The following SLC23A2 variants were observed in gnomAD, a reference collection of about 807,000 sequenced individuals.
SLC23A2 encodes the protein Na(+)/L-ascorbic acid transporter 2.
SLC23A2 carries 36 observed loss-of-function variants against 73.3 expected under a neutral mutation model. The observed-to-expected ratio is 0.49, with a 90% CI of 0.38 to 0.65. The LOEUF is 0.65. Among genes scored for constraint, SLC23A2 ranks in the 30% least tolerant of loss-of-function variants. The probability of loss-of-function intolerance (pLI) is 0.00; values close to 1 mark genes in which losing one functional copy is unlikely to be tolerated. For synonymous variants in SLC23A2, 343 were observed against 327.3 expected, an observed-to-expected ratio of 1.05 and a Z score of -0.52; for missense variants, 507 against 841.6, an observed-to-expected ratio of 0.60 and a Z score of 4.92.
intron 16 of SLC23A2, among the ~76,000 whole-genome samples, chr20:4,858,528 G>GTT (rs11482735): frequency 1.3e-5 from 2 of 151,872 alleles, no homozygotes; most frequent in East Asian, 1.9e-4. Flanking sequence ...CTTGATTGAG[G>GTT]TTTTTTATTT....
intron 3 of SLC23A2, among the ~76,000 whole-genome samples, chr20:4,920,429 C>T (rs774676577): frequency 3.7e-4 from 57 of 152,182 alleles, no homozygotes; most frequent in Non-Finnish European, 1.5e-4. Flanking sequence ...AGGCACATCC[C>T]CTCTGACTCA....
At chr20:5,002,919 C>A (rs1349638837), upstream of SLC23A2, among the ~76,000 whole-genome samples, 1 of 152,046 alleles carries the variant, frequency 6.6e-6, no homozygotes, top group African/African-American at 2.4e-5. Context: ...GTCACGGGCG[C>A]CCATCCTTAA....
chr20:4,856,760 G>T lies in SLC23A2; in HGVS notation c.*212C>A. The stretch of plus-strand genomic sequence containing the variant: ...TGGCCAGCAATGGACACTCTCAAAG[G>T]GCAAGGAGTTAAGGGCTTAAATAAG... On this transcript the variant is annotated 3_prime_UTR_variant, in exon 17 of 17. Transcript: ENST00000338244. This position sits in a 1 kb window ranked among gnomAD's most constrained non-coding sequence, Gnocchi z 4.6. 1.8e-6 allele frequency: 1 copy of T among 542,216 alleles called. No individual in the cohort carries two copies. Among genetic ancestry groups the T allele is most frequent in the African/African-American group, 1.9e-5 (1 of 52,710 alleles). The allele number at this position is 542,216 out of a possible 1,614,324, so 33.6% of individuals were successfully genotyped here.
intron 1 of SLC23A2, among the ~76,000 whole-genome samples, chr20:5,009,952 G>A (rs533408429): frequency 6.6e-6 from 1 of 151,990 alleles, no homozygotes; most frequent in South Asian, 2.1e-4. Context: ...AAAATTAGCC[G>A]GGCGTGGTTG....
At chr20:4,896,605 G>C (rs1359299214) in intron 6 of SLC23A2, among the ~76,000 whole-genome samples, 1 of 152,288 alleles carries the variant, frequency 6.6e-6, no homozygotes, top group East Asian at 1.9e-4. Context: ...AAGCAGGAAG[G>C]GACCCCCAGG....
intron 9 of SLC23A2, among the ~76,000 whole-genome samples, chr20:4,881,676 C>G (rs1399876353): frequency 3.3e-5 from 5 of 152,088 alleles, no homozygotes; most frequent in African/African-American, 9.7e-5. Flanking sequence ...ATTCGTTCCC[C>G]CTGCTTTTAC....
Position 4,932,494 on chromosome 20 carries a change from G to T in SLC23A2, c.69C>A (p.Tyr23Ter). The T allele has an allele frequency of 6.2e-7, 1 of 1,608,552 alleles. No homozygotes were observed. Among genetic ancestry groups the T allele is most frequent in the Non-Finnish European group, 8.5e-7 (1 of 1,174,920 alleles). ...MEAGSSTEGK[Y>*]EDEAKHPAFF... is the part of the protein sequence containing the mutation. ...AAGCTGGGTGCTTTGCCTCGTCTTC[G>T]TATTTGCCTTCTGTTGAACTTCCAG... Residue 23 changes from tyrosine (Y) to a stop codon, truncating the protein, a stop_gained, in exon 3 of 17, where the codon TAC becomes TAA. Transcript: ENST00000338244. LOFTEE classifies it high-confidence loss of function.
chr20:5,010,019 C>T (rs1040357823), intron 1 of SLC23A2, among the ~76,000 whole-genome samples: 1 of 147,818 alleles, frequency 6.8e-6, no homozygotes. Flanking sequence ...GGACTGAACC[C>T]GGGAGGCGGA....
intron 3 of SLC23A2, among the ~76,000 whole-genome samples, chr20:4,915,299 T>C (rs1460838272): frequency 6.6e-6 from 1 of 152,188 alleles, no homozygotes; most frequent in Admixed American, 6.5e-5. Context: ...GGATCTTTTA[T>C]GATCAGGATG....
intron 2 of SLC23A2, 29 bp from the exon 3 acceptor site, chr20:4,932,745 C>T: frequency 1.7e-6 from 1 of 572,608 alleles, no homozygotes. Flanking sequence ...GCCAAATCAC[C>T]CCAAAGCATG....
At chr20:4,940,710 A>G (rs981102096) in intron 2 of SLC23A2, among the ~76,000 whole-genome samples, 2 of 152,248 alleles carry the variant, frequency 1.3e-5, no homozygotes, top group African/African-American at 4.8e-5. Context: ...ACATCTTTCC[A>G]TAAAGTGAAA....
At chr20:4,972,068 T>C (rs778619602) in intron 1 of SLC23A2, among the ~76,000 whole-genome samples, 29 of 152,216 alleles carry the variant, frequency 1.9e-4, no homozygotes, top group Non-Finnish European at 4.1e-4. Flanking sequence ...CCTATGCATA[T>C]GTTCCACAAT....
At chr20:4,944,942 T>C (rs1465012831) in intron 2 of SLC23A2, among the ~76,000 whole-genome samples, 1 of 151,422 alleles carries the variant, frequency 6.6e-6, no homozygotes, top group Admixed American at 6.6e-5. Context: ...TGTTGGAACA[T>C]ATGCCCTCAA....
intron 1 of SLC23A2, among the ~76,000 whole-genome samples, chr20:4,986,055 T>A (rs552745637): frequency 6.6e-6 from 1 of 152,226 alleles, no homozygotes; most frequent in Non-Finnish European, 1.5e-5. Flanking sequence ...CATAGGATAG[T>A]ATGAATAATT....
At chr20:4,889,265 G>C (rs967804249) in intron 6 of SLC23A2, among the ~76,000 whole-genome samples, 2 of 152,134 alleles carry the variant, frequency 1.3e-5, no homozygotes, top group African/African-American at 4.8e-5. Context: ...CGGGCAGAGA[G>C]AGGGGAGGTG....
chr20:4,986,672 A>G (rs1212297939), intron 1 of SLC23A2, among the ~76,000 whole-genome samples: 1 of 140,546 alleles, frequency 7.1e-6, no homozygotes, highest in Non-Finnish European at 1.6e-5. Context: ...ACACACACAC[A>G]CACACACACA....
At chr20:4,966,808 T>TGATTG (rs771360017) in intron 2 of SLC23A2, among the ~76,000 whole-genome samples, 1 of 67,950 alleles carries the variant, frequency 1.5e-5, no homozygotes, top group African/African-American at 5.8e-5. Context: ...TTTGATAGTT[T>TGATTG]TACACACACA....
Position 4,862,869 on chromosome 20 carries a change from G to A in SLC23A2, c.1395C>T (p.Leu465=). Residue 465 remains leucine (L), a synonymous_variant, in exon 14 of 17, where the codon CTC becomes CTT. Transcript: ENST00000338244. The surrounding 1 kb of genome is among the most constrained non-coding windows in gnomAD (Gnocchi z 5.1). The stretch of plus-strand genomic sequence containing the variant: ...TCCCGATCATGCCCAGAGCGAGCAT[G>A]AGGGCTGCTCCGCACTGTATCACGC... ...SRRVIQCGAA[L]MLALGMIGKF... is the part of the protein sequence containing the mutation. 6.2e-7 allele frequency: 1 copy of A among 1,613,910 alleles called. No homozygotes were observed. The highest frequency in any genetic ancestry group is 8.5e-7 in the Non-Finnish European group (1 of 1,179,948).
chr20:4,950,333 T>A (rs1020233040), intron 2 of SLC23A2, among the ~76,000 whole-genome samples: 4 of 152,152 alleles, frequency 2.6e-5, no homozygotes, highest in African/African-American at 9.7e-5. Context: ...ATTTCCCCAA[T>A]CAGGGCCCAA....
Sources: allele counts gnomAD v4.1 joint callset (sites outside exome capture counted in the v4.1 genomes callset), GRCh38; gene constraint gnomAD v4.1.1; non-coding constraint Gnocchi (gnomAD v3.1); transcripts MANE v1.5; gene names NCBI Gene and HGNC (gene_info 2026-07-23, HGNC 2026-07-21).